The following EVI5 variants were observed in gnomAD, a reference collection of about 807,000 sequenced individuals.
EVI5 encodes ecotropic viral integration site 5 protein homolog.
In EVI5, 73 loss-of-function variants were observed where a neutral mutation model predicts 112.0. The observed-to-expected ratio is 0.65, with a 90% CI of 0.54 to 0.79. EVI5 has a LOEUF of 0.79. Ranked by LOEUF, EVI5 falls within the 30% of genes least tolerant of loss-of-function variation. The pLI, the probability that EVI5 is intolerant of heterozygous loss-of-function variation, is 0.00. For missense variants in EVI5, 900 were observed against 968.8 expected (o/e 0.93, Z 0.94); for synonymous variants, 305 against 319.9 (o/e 0.95, Z 0.50).
chr1:92,557,954 T>C (rs1667942308), intron 19 of EVI5, among the ~76,000 whole-genome samples: 1 of 152,072 alleles, frequency 6.6e-6, no homozygotes, highest in Non-Finnish European at 1.5e-5. Context: ...GCCAGGCTAG[T>C]CTCAAACTCC....
intron 2 of EVI5, among the ~76,000 whole-genome samples, chr1:92,721,054 T>C (rs533252329): frequency 1.3e-5 from 2 of 152,180 alleles, no homozygotes; most frequent in South Asian, 2.1e-4. Context: ...TGTGGAGAAA[T>C]AGGAATGCTT....
chr1:92,601,949 C>T (rs1414641967), intron 18 of EVI5, among the ~76,000 whole-genome samples: 1 of 152,092 alleles, frequency 6.6e-6, no homozygotes, highest in Non-Finnish European at 1.5e-5. Context: ...CAGACTAATG[C>T]TAAAATCACA....
intron 18 of EVI5, among the ~76,000 whole-genome samples, chr1:92,589,143 A>C (rs1202895390): frequency 6.6e-6 from 1 of 152,216 alleles, no homozygotes; most frequent in Non-Finnish European, 1.5e-5. Context: ...GGTGGAGCCA[A>C]TATGGCCGAA....
chr1:92,666,774 A>G (rs1011625913), intron 10 of EVI5, among the ~76,000 whole-genome samples: 5 of 151,964 alleles, frequency 3.3e-5, no homozygotes, highest in African/African-American at 1.2e-4. Context: ...ATTTAAATAC[A>G]CTCTACAGTA....
intron 19 of EVI5, among the ~76,000 whole-genome samples, chr1:92,524,145 TA>T (rs113683851): frequency 0.13 from 17,994 of 133,720 alleles, 1,244 homozygotes; most frequent in Middle Eastern, 0.18. Flanking sequence ...GTTTATTATT[TA>T]AAAAAAAAAA....
At position 92,693,921 on chromosome 1, in the gene EVI5, A is replaced by C. The variant is rs199679996; in HGVS notation, c.1000-22T>G. On this transcript the variant is annotated intron_variant, in intron 8 of 19. Coordinates refer to ENST00000684568, the MANE Select transcript of EVI5 (RefSeq NM_001350197.2). ...AGTGCTAAGATACAATTAAAAAAAA[A>C]ACATAAGAATGACTTAGTGCTGTTA... The C allele has an allele frequency of 1.9e-5, 26 of 1,388,022 alleles. No individual in the cohort carries two copies. In the African/African-American group the frequency reaches 3.6e-4, roughly 19 times the overall value. 86.0% of individuals were successfully genotyped at this position (1,388,022 alleles called of 1,614,324 possible).
At chr1:92,731,691 G>A (rs1368922150) in intron 2 of EVI5, among the ~76,000 whole-genome samples, 1 of 152,162 alleles carries the variant, frequency 6.6e-6, no homozygotes, top group Admixed American at 6.5e-5. Context: ...CTAGTATTAA[G>A]ATAGACATGT....
intron 18 of EVI5, among the ~76,000 whole-genome samples, chr1:92,592,673 C>A (rs1304431499): frequency 6.6e-6 from 1 of 151,932 alleles, no homozygotes; most frequent in Non-Finnish European, 1.5e-5. Flanking sequence ...AGACCACTAG[C>A]AAGACTAATA....
intron 16 of EVI5, among the ~76,000 whole-genome samples, chr1:92,620,082 C>T (rs776183006): frequency 6.6e-6 from 1 of 152,126 alleles, no homozygotes; most frequent in Non-Finnish European, 1.5e-5. Flanking sequence ...TGCTGGCTCA[C>T]GCCTATAATC....
At chr1:92,574,549 T>C (rs1374555761) in intron 18 of EVI5, among the ~76,000 whole-genome samples, 1 of 152,144 alleles carries the variant, frequency 6.6e-6, no homozygotes, top group East Asian at 1.9e-4. Flanking sequence ...TTTGAGCAAG[T>C]GTTTGGGATA....
At chr1:92,603,041 G>C (rs779795751) in intron 18 of EVI5, among the ~76,000 whole-genome samples, 28 of 152,218 alleles carry the variant, frequency 1.8e-4, no homozygotes, top group South Asian at 4.1e-4. Flanking sequence ...CAAAGGACCT[G>C]AATAGCCATT....
chr1:92,635,542 G>C (rs1166689416), intron 14 of EVI5, among the ~76,000 whole-genome samples: 1 of 152,126 alleles, frequency 6.6e-6, no homozygotes, highest in Non-Finnish European at 1.5e-5. Flanking sequence ...GCAGTATTAG[G>C]GTGCGAGTGA....
At chr1:92,781,996 C>CA (rs1684925130) in intron 1 of EVI5, among the ~76,000 whole-genome samples, 1 of 145,406 alleles carries the variant, frequency 6.9e-6, no homozygotes. Flanking sequence ...CACGGTGGCT[C>CA]ACACCTGTAA....
At chr1:92,716,647 A>G (rs1320161555) in intron 2 of EVI5, among the ~76,000 whole-genome samples, 2 of 150,120 alleles carry the variant, frequency 1.3e-5, no homozygotes, top group Non-Finnish European at 3.0e-5. Context: ...AATAGGCTTC[A>G]GAAGGTCGGT....
At chr1:92,703,720 T>C in intron 3 of EVI5, 101 bp from the exon 4 acceptor site, 1 of 712,364 alleles carries the variant, frequency 1.4e-6, no homozygotes, top group Non-Finnish European at 2.3e-6. Flanking sequence ...GAAGACATCA[T>C]TAAATTTGTA....
intron 13 of EVI5, among the ~76,000 whole-genome samples, chr1:92,639,993 C>T (rs917915842): frequency 1.3e-5 from 2 of 152,092 alleles, no homozygotes; most frequent in African/African-American, 4.8e-5. Flanking sequence ...CTTCAACAAA[C>T]CCGACAAAAG....
At chr1:92,522,185 T>C (rs1661042769) in intron 19 of EVI5, among the ~76,000 whole-genome samples, 1 of 152,210 alleles carries the variant, frequency 6.6e-6, no homozygotes, top group South Asian at 2.1e-4. Flanking sequence ...AGCACTGCCA[T>C]GAACTCAGTT....
intron 19 of EVI5, among the ~76,000 whole-genome samples, chr1:92,557,235 C>A (rs186501758): frequency 2.0e-5 from 3 of 148,726 alleles, no homozygotes; most frequent in African/African-American, 7.4e-5. Flanking sequence ...CAAAATAGTT[C>A]TTTTTTTTTT....
chr1:92,614,837 A>ATT (rs1213899147), intron 16 of EVI5, among the ~76,000 whole-genome samples: 5 of 17,088 alleles, frequency 2.9e-4, no homozygotes, highest in African/African-American at 3.1e-4. Flanking sequence ...TTTATGTTAT[A>ATT]TTTTATATAT....
Sources: gnomAD v4.1 joint callset for allele counts (sites outside exome capture counted in the v4.1 genomes callset) on GRCh38, gnomAD v4.1.1 for gene constraint, MANE v1.5 for transcripts, NCBI Gene and HGNC (gene_info 2026-07-23, HGNC 2026-07-21) for gene names.